The following BDH2 variants were observed in gnomAD, a reference collection of about 807,000 sequenced individuals.
BDH2 encodes 3-hydroxybutyrate dehydrogenase 2, also known as dehydrogenase/reductase SDR family member 6.
In BDH2, 24 loss-of-function variants were observed where a neutral mutation model predicts 33.2. The ratio of observed to expected loss-of-function variants is 0.72; its 90% CI spans 0.52 to 1.02. The LOEUF is 1.02. Among genes scored for constraint, BDH2 ranks in the 50% least tolerant of loss-of-function variants. BDH2 has a pLI of 0.00. For missense variants in BDH2, 249 were observed against 301.6 expected (o/e 0.83, Z 1.29); for synonymous variants, 81 against 101.6 (o/e 0.80, Z 1.22).
At chr4:103,081,047 C>T (rs1164674431) in intron 9 of BDH2, among the ~76,000 whole-genome samples, 3 of 152,298 alleles carry the variant, frequency 2.0e-5, no homozygotes, top group Admixed American at 6.5e-5. Context: ...GTTCCCTCCT[C>T]GCTCCCGCCT....
At position 103,089,289 on chromosome 4, in the gene BDH2, T is replaced by C. The variant is rs142948950; in HGVS notation, c.357+1888A>G. On this transcript the variant is annotated intron_variant, in intron 5 of 9. Coordinates refer to ENST00000296424, the MANE Select transcript of BDH2 (RefSeq NM_020139.4). The stretch of plus-strand genomic sequence containing the variant: ...CCTCATTTTTTAGCTAAAAGAAATA[T>C]GTACTGAGAGGGTACAAGTGCCATC... Among the ~76,000 whole-genome samples the C allele has an allele frequency of 9.4e-3, 1,435 of 152,332 alleles. 18 individuals are homozygous for C. Among genetic ancestry groups the C allele is most frequent in the Non-Finnish European group, 0.01 (699 of 68,024 alleles).
intron 4 of BDH2, 73 bp downstream of exon 4, chr4:103,092,527 T>G (rs898761737): frequency 1.9e-6 from 2 of 1,034,796 alleles, no homozygotes; most frequent in South Asian, 2.8e-5. Context: ...TTTGCCACAT[T>G]ATGAAAATTC....
At chr4:103,088,521 C>T (rs1407205529) in intron 5 of BDH2, among the ~76,000 whole-genome samples, 1 of 152,192 alleles carries the variant, frequency 6.6e-6, no homozygotes, top group African/African-American at 2.4e-5. Context: ...CCCATGCTGC[C>T]TTCCCAGTCC....
At chr4:103,096,356 G>T in intron 1 of BDH2, 82 bp from the exon 2 acceptor site, 1 of 853,366 alleles carries the variant, frequency 1.2e-6, no homozygotes, top group Non-Finnish European at 1.9e-6. Context: ...ATAGTTCAGT[G>T]TGCTCTTTTA....
intron 5 of BDH2, among the ~76,000 whole-genome samples, chr4:103,088,382 C>A (rs990874321): frequency 6.6e-6 from 1 of 152,150 alleles, no homozygotes; most frequent in African/African-American, 2.4e-5. Flanking sequence ...TTATCTCAGG[C>A]AAAACCTTAG....
chr4:103,082,807 T>C (rs1747587291), intron 8 of BDH2, 64 bp downstream of exon 8: 1 of 1,376,988 alleles, frequency 7.3e-7, no homozygotes, highest in African/African-American at 1.4e-5. Context: ...ATTTGTCTGC[T>C]ATAGGTATGG....
chr4:103,097,656 C>A (rs1748475277), intron 1 of BDH2: 1 of 152,206 alleles, frequency 6.6e-6, no homozygotes, highest in South Asian at 2.1e-4. Flanking sequence ...AAGAAGGAAA[C>A]CTTCTCAGAA....
intron 2 of BDH2, among the ~76,000 whole-genome samples, chr4:103,095,489 C>T (rs1158111164): frequency 2.6e-5 from 4 of 151,976 alleles, no homozygotes; most frequent in African/African-American, 7.3e-5. Context: ...ATACATTGTG[C>T]TTGTCATCTG....
At chr4:103,086,693 A>T (rs959167953) in intron 5 of BDH2, among the ~76,000 whole-genome samples, 153 bp from the exon 6 acceptor site, 2 of 152,240 alleles carry the variant, frequency 1.3e-5, no homozygotes, top group African/African-American at 4.8e-5. Flanking sequence ...CAGTCTTAAC[A>T]GTGAACCCAA....
chr4:103,093,027 A>G lies in BDH2; in HGVS notation c.152-331T>C, dbSNP rs955182188. Among the ~76,000 whole-genome samples the G allele has an allele frequency of 2.6e-5, 4 of 152,206 alleles. 1 individual carries two copies. The highest frequency in any genetic ancestry group is 9.6e-5 in the African/African-American group (4 of 41,464). ...TCAGTAAGCCAGCAGTAATAACTGA[A>G]AATGGGCTCATTTGAAGTTCTTACA... On this transcript the variant is annotated intron_variant, in intron 3 of 9. Coordinates refer to ENST00000296424, the MANE Select transcript of BDH2 (RefSeq NM_020139.4).
rs533899732 is a variant in BDH2, at chr4:103,087,853, G to T, written c.358-1313C>A. On this transcript the variant is annotated intron_variant, in intron 5 of 9. Coordinates refer to ENST00000296424, the MANE Select transcript of BDH2 (RefSeq NM_020139.4). ...GGGCCAGAGAAAAAAAATGACTTCT[G>T]TTGGGACGAGTTTCTTTAGCAGCTT... Among the ~76,000 whole-genome samples, 13 of 152,326 alleles carry T rather than the reference G, an allele frequency of 8.5e-5. 1 individual carries two copies. The highest frequency in any genetic ancestry group is 3.3e-4 in the Admixed American group (5 of 15,308).
Position 103,091,169 on chromosome 4 carries a change from GGTC to G in BDH2, c.357+5_357+7del. On this transcript the variant is annotated splice_donor_5th_base_variant and intron_variant, in intron 5 of 9. Transcript: ENST00000296424. Reference sequence around the variant, plus strand: ...TGCTTATCCTGGTGGTGGTGGTGGTGGTCTTACTTTAGGAAGGAATGCCTTGAT... The same window carrying G: ...TGCTTATCCTGGTGGTGGTGGTGGTGTTACTTTAGGAAGGAATGCCTTGAT... The G allele has an allele frequency of 6.3e-7, 1 of 1,579,712 alleles. No individual in the cohort carries two copies. Among genetic ancestry groups the G allele is most frequent in the South Asian group, 1.1e-5 (1 of 90,252 alleles).
At chr4:103,094,217 T>C (rs1748249289) in intron 3 of BDH2, among the ~76,000 whole-genome samples, 1 of 152,214 alleles carries the variant, frequency 6.6e-6, no homozygotes, top group Non-Finnish European at 1.5e-5. Context: ...ACTGAGCACC[T>C]GAAATGCAGC....
chr4:103,079,722 C>A lies in BDH2; in HGVS notation c.718G>T (p.Asp240Tyr), dbSNP rs1747416146. The A allele has an allele frequency of 6.2e-7, 1 of 1,614,032 alleles. No individual in the cohort carries two copies. The highest frequency in any genetic ancestry group is 2.2e-5 in the East Asian group (1 of 44,870). ...TAAAATCACAAGCTCCAGCCTCCAT[C>A]AATGATGACAGGGTTACCAGTTACA... ...AYVTGNPVII[D>Y]GGWSL is the part of the protein sequence containing the mutation. Residue 240 changes from aspartate (D) to tyrosine (Y), a missense_variant, in exon 10 of 10, where the codon GAT becomes TAT. Transcript: ENST00000296424.
intron 5 of BDH2, among the ~76,000 whole-genome samples, chr4:103,087,440 T>C (rs1190373172): frequency 6.6e-6 from 1 of 152,162 alleles, no homozygotes; most frequent in Admixed American, 6.5e-5. Context: ...AAGGTGGAGC[T>C]GCAGAAATGT....
chr4:103,080,990 CAACT>C (rs1747492558), intron 9 of BDH2, among the ~76,000 whole-genome samples: 1 of 152,210 alleles, frequency 6.6e-6, no homozygotes, highest in Non-Finnish European at 1.5e-5. Flanking sequence ...TCACATTCAC[CAACT>C]ATCTGGTGTG....
chr4:103,084,309 T>G (rs758536900), intron 7 of BDH2, among the ~76,000 whole-genome samples: 2 of 152,190 alleles, frequency 1.3e-5, no homozygotes, highest in Non-Finnish European at 2.9e-5. Flanking sequence ...CCAATGTCAC[T>G]GGGTTCAGCT....
intron 3 of BDH2, among the ~76,000 whole-genome samples, chr4:103,093,535 T>A (rs1452343376): frequency 1.1e-4 from 16 of 149,794 alleles, no homozygotes; most frequent in Non-Finnish European, 4.4e-5. Context: ...TATATACACA[T>A]ATTATTTATA....
At chr4:103,093,711 AATAAT>A (rs1261183271) in intron 3 of BDH2, among the ~76,000 whole-genome samples, 2 of 134,220 alleles carry the variant, frequency 1.5e-5, no homozygotes, top group East Asian at 3.9e-4. Context: ...TATAATATAT[AATAAT>A]ATATGTATAA....
Sources: gnomAD v4.1 joint callset for allele counts (sites outside exome capture counted in the v4.1 genomes callset) on GRCh38, gnomAD v4.1.1 for gene constraint, MANE v1.5 for transcripts, NCBI Gene and HGNC (gene_info 2026-07-23, HGNC 2026-07-21) for gene names.